DLGAP2: variants seen among roughly 807,000 people sequenced by gnomAD.
DLGAP2 encodes the protein disks large-associated protein 2.
A neutral mutation model predicts 100.3 loss-of-function variants in DLGAP2; 26 were observed. The ratio of observed to expected loss-of-function variants is 0.26; its 90% CI spans 0.19 to 0.36. DLGAP2 has a LOEUF of 0.36. Ranked by LOEUF, DLGAP2 falls within the 10% of genes least tolerant of loss-of-function variation. The pLI is 1.00. For missense variants in DLGAP2, 1,858 were observed against 1,453.2 expected, an observed-to-expected ratio of 1.28 and a Z score of -4.53; for synonymous variants, 886 against 630.1, an observed-to-expected ratio of 1.41 and a Z score of -6.08.
chr8:1,087,282 G>T (rs1029683691), intron 2 of DLGAP2, among the ~76,000 whole-genome samples: 5 of 152,160 alleles, frequency 3.3e-5, no homozygotes, highest in Non-Finnish European at 5.9e-5. Context: ...TTTCCTCTCT[G>T]TCTCAATAAA....
chr8:811,346 G>A (rs1200001838), intron 1 of DLGAP2, among the ~76,000 whole-genome samples: 3 of 151,946 alleles, frequency 2.0e-5, no homozygotes, highest in Non-Finnish European at 4.4e-5. Flanking sequence ...CCAGCTTTCG[G>A]ATGAAGCTCC....
intron 2 of DLGAP2, among the ~76,000 whole-genome samples, chr8:1,098,221 C>T (rs570568787): frequency 6.6e-6 from 1 of 152,232 alleles, no homozygotes; most frequent in South Asian, 2.1e-4. Context: ...CACAGAAACT[C>T]CTCCGCACAC....
intron 3 of DLGAP2, among the ~76,000 whole-genome samples, chr8:1,435,375 G>A (rs1797587607): frequency 6.6e-6 from 1 of 152,198 alleles, no homozygotes; most frequent in Non-Finnish European, 1.5e-5. Flanking sequence ...TTCAGTCAAA[G>A]ACAAACTGCA....
chr8:1,427,791 G>GT (rs1337066233), intron 3 of DLGAP2, among the ~76,000 whole-genome samples: 3 of 152,252 alleles, frequency 2.0e-5, no homozygotes, highest in East Asian at 3.9e-4. Flanking sequence ...ACATGGAACC[G>GT]TAAGTCCAAT....
intron 2 of DLGAP2, among the ~76,000 whole-genome samples, chr8:1,095,504 C>A (rs1275504597): frequency 6.6e-6 from 1 of 152,186 alleles, no homozygotes; most frequent in Admixed American, 6.5e-5. Flanking sequence ...GAGTCTACTT[C>A]CTGGTGACCT....
chr8:973,564 C>T (rs138845105), intron 2 of DLGAP2, among the ~76,000 whole-genome samples: 16,960 of 152,208 alleles, frequency 0.11, 1,423 homozygotes, highest in Admixed American at 0.26. Context: ...GGGGTGGCAG[C>T]TGGGCAGAGG....
At chr8:1,670,533 C>T (rs1001615539) in intron 10 of DLGAP2, among the ~76,000 whole-genome samples, 2 of 152,250 alleles carry the variant, frequency 1.3e-5, no homozygotes, top group African/African-American at 4.8e-5. Context: ...AGCCTGTTGC[C>T]ACCCTGCACC....
intron 1 of DLGAP2, among the ~76,000 whole-genome samples, chr8:861,204 A>G (rs894930959): frequency 6.6e-6 from 1 of 152,220 alleles, no homozygotes; most frequent in East Asian, 1.9e-4. Context: ...TACACGATAC[A>G]GTATAACAAC....
intron 3 of DLGAP2, among the ~76,000 whole-genome samples, chr8:1,437,813 C>CAAAAAAAAAAAAA (rs59165125): frequency 5.3e-4 from 45 of 85,092 alleles, no homozygotes; most frequent in East Asian, 1.2e-3. Flanking sequence ...ACTAAAAATA[C>CAAAAAAAAAAAAA]AAAAAAAAAA....
At chr8:1,191,877 A>T (rs924383789) in intron 2 of DLGAP2, among the ~76,000 whole-genome samples, 1 of 152,138 alleles carries the variant, frequency 6.6e-6, no homozygotes, top group Admixed American at 6.5e-5. Flanking sequence ...AAGCGCCTTT[A>T]TTCTTGGTGC....
At chr8:1,460,520 C>T (rs974710404) in intron 3 of DLGAP2, among the ~76,000 whole-genome samples, 2 of 152,190 alleles carry the variant, frequency 1.3e-5, no homozygotes, top group Non-Finnish European at 2.9e-5. Flanking sequence ...CGGCTGCCTT[C>T]CTGGAGCCAC....
chr8:1,011,129 G>A (rs1046498720), intron 2 of DLGAP2, among the ~76,000 whole-genome samples: 12 of 151,682 alleles, frequency 7.9e-5, no homozygotes, highest in African/African-American at 2.9e-4. Flanking sequence ...CGGGCGAAGG[G>A]CCTCAGTCTA....
At chr8:1,447,813 G>T (rs576530833) in intron 3 of DLGAP2, among the ~76,000 whole-genome samples, 83 of 152,238 alleles carry the variant, frequency 5.5e-4, no homozygotes, top group Non-Finnish European at 8.1e-4. Context: ...GTTTAGTCTT[G>T]GGACAGTGTA....
chr8:937,425 A>G (rs1799096899), intron 2 of DLGAP2, among the ~76,000 whole-genome samples: 1 of 152,182 alleles, frequency 6.6e-6, no homozygotes, highest in Admixed American at 6.5e-5. Context: ...ATTTTTCCCC[A>G]TGACTATGAG....
intron 3 of DLGAP2, among the ~76,000 whole-genome samples, chr8:1,354,558 T>A (rs994267169): frequency 6.6e-6 from 1 of 152,104 alleles, no homozygotes; most frequent in South Asian, 2.1e-4. Flanking sequence ...AATGAAAGAC[T>A]GTGGGGCCAT....
At chr8:1,354,515 A>T (rs1417937997) in intron 3 of DLGAP2, among the ~76,000 whole-genome samples, 1 of 152,246 alleles carries the variant, frequency 6.6e-6, no homozygotes, top group East Asian at 1.9e-4. Context: ...ACTGTCTCAG[A>T]AAAAAAGAAA....
intron 4 of DLGAP2, among the ~76,000 whole-genome samples, chr8:1,502,967 A>C (rs776092012): frequency 2.0e-5 from 3 of 151,972 alleles, no homozygotes; most frequent in Non-Finnish European, 4.4e-5. Context: ...CTGAAACAAG[A>C]GTGCAGGAGT....
chr8:1,418,910 G>A (rs927007932), intron 3 of DLGAP2, among the ~76,000 whole-genome samples: 3 of 152,214 alleles, frequency 2.0e-5, no homozygotes, highest in Non-Finnish European at 4.4e-5. Context: ...CCAGTTCAGT[G>A]ATTTGCTTGA....
rs779157177 is a variant in DLGAP2 at position 1,701,411 on chromosome 8, G to A, written c.*5G>A. On this transcript the variant is annotated 3_prime_UTR_variant, in exon 15 of 15. Transcript: ENST00000637795. ...GAGGCCCAGACCCGGCTCTGAGGGCGGAGGCCGGCGCCTTCCCCTCGTCGC... is the reference window on the plus strand; with the variant it reads ...GAGGCCCAGACCCGGCTCTGAGGGCAGAGGCCGGCGCCTTCCCCTCGTCGC... The A allele has an allele frequency of 8.2e-6, 13 of 1,577,848 alleles. No homozygotes were observed. Among genetic ancestry groups the A allele is most frequent in the African/African-American group, 2.7e-5 (2 of 73,998 alleles).
Sources: allele counts gnomAD v4.1 joint callset (sites outside exome capture counted in the v4.1 genomes callset), GRCh38; gene constraint gnomAD v4.1.1; transcripts MANE v1.5; gene names NCBI Gene and HGNC (gene_info 2026-07-23, HGNC 2026-07-21).